The following PELI2 variants were observed in gnomAD, a reference collection of about 807,000 sequenced individuals.
The protein encoded by PELI2 is pellino E3 ubiquitin protein ligase family member 2.
A neutral mutation model predicts 42.3 loss-of-function variants in PELI2; 23 were observed. That is an observed-to-expected ratio of 0.54 (90% CI 0.39 to 0.77). PELI2 has a LOEUF of 0.77. Ranked by LOEUF, PELI2 falls within the 30% of genes least tolerant of loss-of-function variation. The pLI, the probability that PELI2 is intolerant of heterozygous loss-of-function variation, is 0.00. For missense variants in PELI2, 463 were observed against 553.2 expected, an observed-to-expected ratio of 0.84 and a Z score of 1.64; for synonymous variants, 245 against 212.2, an observed-to-expected ratio of 1.15 and a Z score of -1.34.
chr14:56,143,549 T>C (rs774209685), intron 1 of PELI2, among the ~76,000 whole-genome samples: 53 of 152,268 alleles, frequency 3.5e-4, no homozygotes, highest in Middle Eastern at 3.2e-3. Flanking sequence ...ATTTCCTTTA[T>C]TTCTTTTTTT....
intron 1 of PELI2, among the ~76,000 whole-genome samples, chr14:56,142,673 G>A (rs1442809061): frequency 1.7e-5 from 2 of 117,862 alleles, no homozygotes; most frequent in Non-Finnish European, 3.5e-5. Flanking sequence ...ATAGGATGAG[G>A]TTATGGCATA....
At chr14:56,256,736 A>T (rs1888538892) in intron 2 of PELI2, among the ~76,000 whole-genome samples, 1 of 124,076 alleles carries the variant, frequency 8.1e-6, no homozygotes, top group Non-Finnish European at 1.8e-5. Context: ...GATCCTCTTA[A>T]ATAACAAAGG....
At chr14:56,160,438 T>C (rs1284278904) in intron 1 of PELI2, among the ~76,000 whole-genome samples, 1 of 152,162 alleles carries the variant, frequency 6.6e-6, no homozygotes, top group African/African-American at 2.4e-5. Flanking sequence ...GGCTGATGAA[T>C]GATGGTGTGT....
At chr14:56,151,828 A>C (rs1331450154) in intron 1 of PELI2, among the ~76,000 whole-genome samples, 1 of 152,242 alleles carries the variant, frequency 6.6e-6, no homozygotes, top group Non-Finnish European at 1.5e-5. Flanking sequence ...GTTCTGGGCC[A>C]AAAGAAAATG....
At position 56,299,684 on chromosome 14, in the gene PELI2, C is replaced by CTCCACCAAGGTGG. The variant is rs756993514; in HGVS notation, c.*2518_*2519insTCCACCAAGGTGG. On this transcript the variant is annotated 3_prime_UTR_variant, in exon 6 of 6. Coordinates refer to ENST00000267460, the MANE Select transcript of PELI2 (RefSeq NM_021255.3). ...CTCACCAAGGTGGAGAAACGCAATT[C>CTCCACCAAGGTGG]AGAAAAGTAATTTCTCCAAGGTCAC... 114 of 152,222 alleles carry CTCCACCAAGGTGG rather than the reference C, an allele frequency of 7.5e-4. No homozygotes were observed. The highest frequency in any genetic ancestry group is 2.1e-3 in the Admixed American group (32 of 15,300). 9.4% of individuals were successfully genotyped at this position (152,222 alleles called of 1,614,324 possible).
intron 2 of PELI2, among the ~76,000 whole-genome samples, chr14:56,181,191 C>G (rs1885565551): frequency 1.3e-5 from 2 of 152,076 alleles, no homozygotes; most frequent in African/African-American, 4.8e-5. Context: ...GATATCCAAC[C>G]CATTAGCCTG....
rs997593148 is a variant in PELI2 at position 56,297,898 on chromosome 14, C to T, written c.*732C>T. The T allele has an allele frequency of 2.6e-5, 4 of 151,846 alleles. No homozygotes were observed. The highest frequency in any genetic ancestry group is 5.9e-5 in the Non-Finnish European group (4 of 68,004). 9.4% of individuals were successfully genotyped at this position (151,846 alleles called of 1,614,324 possible). A position where few individuals can be genotyped will look rare whatever the true frequency, so the allele number is the denominator to read the frequency against. ...TATTTCTGCCTAATATGATTTGCCC[C>T]GATACTCATCTTGCACGGCCAGAAC... On this transcript the variant is annotated 3_prime_UTR_variant, in exon 6 of 6. Coordinates refer to ENST00000267460, the MANE Select transcript of PELI2 (RefSeq NM_021255.3).
chr14:56,228,442 A>G lies in PELI2; in HGVS notation c.207+49978A>G, dbSNP rs538049277. Among the ~76,000 whole-genome samples, 3 of 152,332 alleles carry G rather than the reference A, an allele frequency of 2.0e-5. No homozygotes were observed. The East Asian group carries it at 5.8e-4, about 29-fold the overall frequency. On this transcript the variant is annotated intron_variant, in intron 2 of 5. Transcript: ENST00000267460. ...AAAGGCCTAATTTTTATTCAAGGAT[A>G]CCTAAGTTGAATATCTTTTATTTAT...
chr14:56,240,623 A>G (rs1887939138), intron 2 of PELI2, among the ~76,000 whole-genome samples: 1 of 152,130 alleles, frequency 6.6e-6, no homozygotes, highest in Non-Finnish European at 1.5e-5. Flanking sequence ...ATGAGGAGCA[A>G]GAGGAGATCT....
intron 2 of PELI2, among the ~76,000 whole-genome samples, chr14:56,242,546 C>T (rs1888011568): frequency 6.6e-6 from 1 of 152,190 alleles, no homozygotes; most frequent in African/African-American, 2.4e-5. Context: ...AAGACACTTG[C>T]ACATGCATGT....
intron 1 of PELI2, among the ~76,000 whole-genome samples, chr14:56,129,216 A>G (rs1350330168): frequency 6.6e-6 from 1 of 152,202 alleles, no homozygotes; most frequent in African/African-American, 2.4e-5. Context: ...TTAGTGAACT[A>G]ATCCTTAGGA....
chr14:56,198,408 A>G (rs1352082365), intron 2 of PELI2, among the ~76,000 whole-genome samples: 3 of 152,224 alleles, frequency 2.0e-5, no homozygotes, highest in Non-Finnish European at 4.4e-5. Context: ...GAGAACCCAG[A>G]GAGCGTGGCA....
intron 1 of PELI2, among the ~76,000 whole-genome samples, chr14:56,140,319 A>G (rs1038483074): frequency 6.6e-5 from 10 of 152,236 alleles, no homozygotes; most frequent in Admixed American, 5.2e-4. Context: ...AAAATGAATT[A>G]CAACCATATC....
At chr14:56,131,247 G>T (rs7141193) in intron 1 of PELI2, among the ~76,000 whole-genome samples, 2,828 of 152,284 alleles carry the variant, frequency 0.019, 90 homozygotes, top group African/African-American at 0.065. Context: ...CCAGGTGCCA[G>T]CTCTAAGGCT....
rs1452999441 is a variant in PELI2 at position 56,118,443 on chromosome 14, C to T, written c.-218C>T. On this transcript the variant is annotated 5_prime_UTR_variant, in exon 1 of 6. Coordinates refer to ENST00000267460, the MANE Select transcript of PELI2 (RefSeq NM_021255.3). ...GTTGCCGGCTCTGACTCGGGGCGGCCGCGGCGCGCGGAGCTCCGGGGAGTC... is the reference window on the plus strand; with the variant it reads ...GTTGCCGGCTCTGACTCGGGGCGGCTGCGGCGCGCGGAGCTCCGGGGAGTC... The T allele has an allele frequency of 2.4e-5, 7 of 293,950 alleles. No individual in the cohort carries two copies. The highest frequency in any genetic ancestry group is 4.4e-5 in the Non-Finnish European group (7 of 160,324). The allele number at this position is 293,950 out of a possible 1,614,324, so 18.2% of individuals were successfully genotyped here.
intron 5 of PELI2, among the ~76,000 whole-genome samples, chr14:56,291,972 G>T (rs3783683): frequency 6.6e-6 from 1 of 152,128 alleles, no homozygotes; most frequent in Non-Finnish European, 1.5e-5. Flanking sequence ...CTGAGCATTT[G>T]CCTCCCTGGG....
intron 2 of PELI2, among the ~76,000 whole-genome samples, chr14:56,239,120 A>G (rs1016414733): frequency 1.3e-5 from 2 of 152,250 alleles, no homozygotes; most frequent in African/African-American, 4.8e-5. Flanking sequence ...ATCTTAAAGT[A>G]TAAATTCATC....
intron 1 of PELI2, among the ~76,000 whole-genome samples, chr14:56,172,764 G>T (rs1225830050): frequency 2.0e-5 from 3 of 152,160 alleles, no homozygotes; most frequent in Admixed American, 6.5e-5. Flanking sequence ...GGAGGCATTT[G>T]CTTGTTTTTG....
At chr14:56,276,744 T>A (rs1889304601) in intron 2 of PELI2, among the ~76,000 whole-genome samples, 1 of 152,202 alleles carries the variant, frequency 6.6e-6, no homozygotes, top group Non-Finnish European at 1.5e-5. Flanking sequence ...AGTACTTTTT[T>A]AATCTAAAAG....
Sources: gnomAD v4.1 joint callset for allele counts (sites outside exome capture counted in the v4.1 genomes callset) on GRCh38, gnomAD v4.1.1 for gene constraint, MANE v1.5 for transcripts, NCBI Gene and HGNC (gene_info 2026-07-23, HGNC 2026-07-21) for gene names.